Variants in GTF2I observed in about 807,000 individuals in gnomAD.
GTF2I encodes the protein general transcription factor IIi.
In GTF2I, 12 loss-of-function variants were observed where a neutral mutation model predicts 67.6. The observed-to-expected ratio is 0.18, with a 90% CI of 0.11 to 0.29. GTF2I has a LOEUF of 0.29. Among genes scored for constraint, GTF2I ranks in the 10% least tolerant of loss-of-function variants. GTF2I has a pLI of 1.00. For synonymous variants in GTF2I, 149 were observed against 197.0 expected, an observed-to-expected ratio of 0.76 and a Z score of 2.04; for missense variants, 271 against 580.1, an observed-to-expected ratio of 0.47 and a Z score of 5.47.
intron 12 of GTF2I, chr7:74,726,956 C>T (rs1554405833): frequency 6.6e-6 from 1 of 150,882 alleles, no homozygotes; most frequent in Non-Finnish European, 1.5e-5. Flanking sequence ...AGAATGAGAC[C>T]CTGCCGATAG....
intron 28 of GTF2I, among the ~76,000 whole-genome samples, chr7:74,752,416 TAAA>T (rs1193156296): frequency 6.6e-6 from 1 of 151,180 alleles, no homozygotes; most frequent in African/African-American, 2.4e-5. Flanking sequence ...GTCTGTTCCT[TAAA>T]AAAAGTCTAT....
chr7:74,711,760 G>A (rs1046754540), intron 9 of GTF2I, among the ~76,000 whole-genome samples: 4 of 152,066 alleles, frequency 2.6e-5, no homozygotes, highest in Admixed American at 1.3e-4. Flanking sequence ...CATCCACAGC[G>A]TTGCACGTAT....
chr7:74,700,192 T>G (rs1463249227), intron 4 of GTF2I, 55 bp from the exon 5 acceptor site: 1 of 1,573,912 alleles, frequency 6.4e-7, no homozygotes, highest in Non-Finnish European at 8.7e-7. Flanking sequence ...TAGCGATGAT[T>G]TCATTTTGTA....
Position 74,706,447 on chromosome 7 carries a change from CT to C in GTF2I, c.685+18del. 6.3e-7 allele frequency: 1 copy of C among 1,579,076 alleles called. No homozygotes were observed. The highest frequency in any genetic ancestry group is 8.7e-7 in the Non-Finnish European group (1 of 1,148,342). ...CAGAAGATTCTGGTATGTACTAGCA[CT>C]TTTAGAATCAATGGTGAAATTAAGG... On this transcript the variant is annotated intron_variant, in intron 8 of 34. Coordinates refer to ENST00000573035, the MANE Select transcript of GTF2I (RefSeq NM_032999.4).
At chr7:74,680,007 A>C (rs1206809201) in intron 1 of GTF2I, among the ~76,000 whole-genome samples, 9 of 142,742 alleles carry the variant, frequency 6.3e-5, no homozygotes, top group African/African-American at 1.8e-4. Context: ...TGAACCCGGG[A>C]GGCAGAGGTT....
chr7:74,743,643 G>C (rs1278576891), intron 20 of GTF2I, 123 bp downstream of exon 20: 1 of 706,502 alleles, frequency 1.4e-6, no homozygotes, highest in Non-Finnish European at 2.6e-6. Context: ...CAGCACTTTG[G>C]GAGGCCAAGG....
At chr7:74,669,928 C>T (rs1488366902) in intron 1 of GTF2I, among the ~76,000 whole-genome samples, 1 of 152,156 alleles carries the variant, frequency 6.6e-6, no homozygotes, top group Non-Finnish European at 1.5e-5. Context: ...GGTACACATA[C>T]TTCATTTCAA....
At chr7:74,714,327 T>C (rs1791988376) in intron 9 of GTF2I, among the ~76,000 whole-genome samples, 1 of 152,090 alleles carries the variant, frequency 6.6e-6, no homozygotes, top group African/African-American at 2.4e-5. Context: ...AATGAATTAA[T>C]AGCTGTTAGT....
At chr7:74,719,958 C>T (rs1554404265) in intron 12 of GTF2I, among the ~76,000 whole-genome samples, 1 of 152,010 alleles carries the variant, frequency 6.6e-6, no homozygotes, top group Non-Finnish European at 1.5e-5. Flanking sequence ...TGTCACAATA[C>T]TTGTGTAAGT....
intron 1 of GTF2I, among the ~76,000 whole-genome samples, chr7:74,670,319 A>T (rs587625410): frequency 6.6e-6 from 1 of 152,316 alleles, no homozygotes; most frequent in Non-Finnish European, 1.5e-5. Flanking sequence ...CAGGACTTGA[A>T]TTCAGAACTT....
At chr7:74,700,459 C>G (rs782685042) in intron 5 of GTF2I, 29 bp downstream of exon 5, 8 of 1,611,358 alleles carry the variant, frequency 5.0e-6, no homozygotes, top group Non-Finnish European at 5.1e-6. Flanking sequence ...TTGTACCCAT[C>G]AACAGTTGAT....
At chr7:74,672,151 T>A (rs1018761786) in intron 1 of GTF2I, among the ~76,000 whole-genome samples, 8 of 152,130 alleles carry the variant, frequency 5.3e-5, no homozygotes, top group African/African-American at 1.9e-4. Flanking sequence ...TAAAATGAGT[T>A]CTTTGGCTCT....
chr7:74,664,704 A>AT (rs1335310141), intron 1 of GTF2I, among the ~76,000 whole-genome samples: 1 of 152,176 alleles, frequency 6.6e-6, no homozygotes, highest in Non-Finnish European at 1.5e-5. Flanking sequence ...AAGTGCTGGG[A>AT]TTACAGGCAT....
chr7:74,709,070 A>C (rs1791167215), intron 8 of GTF2I, among the ~76,000 whole-genome samples: 1 of 152,208 alleles, frequency 6.6e-6, no homozygotes, highest in South Asian at 2.1e-4. Context: ...AATGGAAAGG[A>C]AACTTCCAGC....
At position 74,723,428 on chromosome 7, in the gene GTF2I, CTTT is replaced by C. The variant is rs58149301; in HGVS notation, c.943+4505_943+4507del. The stretch of plus-strand genomic sequence containing the variant: ...AGGCATAAGCCACCGCTCCCGGCCT[CTTT>C]TTTTTTTTTTTTTTTTTAAGACGGA... On this transcript the variant is annotated intron_variant, in intron 12 of 34. Transcript: ENST00000573035. Among the ~76,000 whole-genome samples the C allele has an allele frequency of 6.2e-4, 38 of 61,072 alleles. 1 individual carries two copies. Among genetic ancestry groups the C allele is most frequent in the East Asian group, 3.9e-3 (7 of 1,800 alleles). The allele number at this position is 61,072 out of a possible 152,430, so 40.1% of individuals were successfully genotyped here.
chr7:74,683,033 T>C (rs1315274271), intron 1 of GTF2I, among the ~76,000 whole-genome samples: 1 of 151,872 alleles, frequency 6.6e-6, no homozygotes, highest in African/African-American at 2.4e-5. Context: ...AAGGATAAAG[T>C]GATGACTAAC....
chr7:74,684,978 A>C (rs1409506168), intron 1 of GTF2I: 1 of 152,208 alleles, frequency 6.6e-6, no homozygotes, highest in East Asian at 1.9e-4. Flanking sequence ...CTGGGGTTTA[A>C]CTACTTTCTG....
chr7:74,685,080 G>C (rs916495054), intron 1 of GTF2I, among the ~76,000 whole-genome samples: 4 of 152,222 alleles, frequency 2.6e-5, no homozygotes, highest in Non-Finnish European at 5.9e-5. Context: ...CCTGCAAGCA[G>C]TCTGATTGGT....
At chr7:74,702,511 C>T (rs782392375) in intron 6 of GTF2I, among the ~76,000 whole-genome samples, 2 of 152,094 alleles carry the variant, frequency 1.3e-5, no homozygotes, top group Non-Finnish European at 2.9e-5. Flanking sequence ...CGTGAGCCAT[C>T]GCGCCCTGCT....
Sources: gnomAD v4.1 joint callset for allele counts (sites outside exome capture counted in the v4.1 genomes callset) on GRCh38, gnomAD v4.1.1 for gene constraint, MANE v1.5 for transcripts, NCBI Gene and HGNC (gene_info 2026-07-23, HGNC 2026-07-21) for gene names.